The following AGPAT4 variants were observed in gnomAD, a reference collection of about 807,000 sequenced individuals.
The protein encoded by AGPAT4 is 1-acylglycerol-3-phosphate O-acyltransferase 4.
A neutral mutation model predicts 48.0 loss-of-function variants in AGPAT4; 15 were observed. The ratio of observed to expected loss-of-function variants is 0.31; its 90% CI spans 0.21 to 0.48. The LOEUF is 0.48. Among genes scored for constraint, AGPAT4 ranks in the 20% least tolerant of loss-of-function variants. The pLI, the probability that AGPAT4 is intolerant of heterozygous loss-of-function variation, is 0.99. For synonymous variants in AGPAT4, 178 were observed against 198.7 expected, an observed-to-expected ratio of 0.90 and a Z score of 0.88; for missense variants, 314 against 482.5, an observed-to-expected ratio of 0.65 and a Z score of 3.27.
chr6:161,200,322 A>G lies in AGPAT4; in HGVS notation c.178+31714T>C, dbSNP rs1437403893. Reference sequence around the variant, plus strand: ...TAAGTGTTAACTAATATTTCACATTAAGGCCTGTGTGCCAGGTACTATAGG... The same window carrying G: ...TAAGTGTTAACTAATATTTCACATTGAGGCCTGTGTGCCAGGTACTATAGG... On this transcript the variant is annotated intron_variant, in intron 2 of 8. Transcript: ENST00000320285. The surrounding 1 kb of genome is among the most constrained non-coding windows in gnomAD (Gnocchi z 5.5). Among the ~76,000 whole-genome samples, 1 of 152,262 alleles carries G rather than the reference A, an allele frequency of 6.6e-6. No homozygotes were observed. The highest frequency in any genetic ancestry group is 1.5e-5 in the Non-Finnish European group (1 of 68,046).
At chr6:161,183,447 C>T (rs1252704690) in intron 2 of AGPAT4, among the ~76,000 whole-genome samples, 1 of 151,530 alleles carries the variant, frequency 6.6e-6, no homozygotes, top group Non-Finnish European at 1.5e-5. Context: ...TAGTGAAAAC[C>T]TGTCTCTAAT....
chr6:161,140,691 C>T lies in AGPAT4; in HGVS notation c.844-1071G>A, dbSNP rs1167305310. On this transcript the variant is annotated intron_variant, in intron 7 of 8. Coordinates refer to ENST00000320285, the MANE Select transcript of AGPAT4 (RefSeq NM_020133.3). The surrounding 1 kb of genome is among the most constrained non-coding windows in gnomAD (Gnocchi z 6.5). ...CTGGGGGGAACAAGGAGCTGTGGCA[C>T]CAGGATGCCCGCTGGCCCGTCTAAG... Among the ~76,000 whole-genome samples the T allele has an allele frequency of 6.6e-6, 1 of 152,206 alleles. No individual in the cohort carries two copies. Among genetic ancestry groups the T allele is most frequent in the East Asian group, 1.9e-4 (1 of 5,186 alleles).
intron 1 of AGPAT4, among the ~76,000 whole-genome samples, chr6:161,250,253 T>C (rs912630425): frequency 3.9e-5 from 6 of 152,202 alleles, no homozygotes; most frequent in Admixed American, 6.5e-5. Flanking sequence ...GTAGCTTTAA[T>C]ACCTGGTGAC....
intron 2 of AGPAT4, among the ~76,000 whole-genome samples, chr6:161,207,320 G>A (rs959810120): frequency 1.3e-5 from 2 of 152,152 alleles, no homozygotes; most frequent in South Asian, 2.1e-4. Flanking sequence ...GTGAGTACCA[G>A]TGCCCTGCCT....
Position 161,218,462 on chromosome 6 carries a change from T to C in AGPAT4, c.178+13574A>G, listed in dbSNP as rs190738509. ...AATCACAGCAAGAATACCTTTACTTTACGTTTGTCTAGCACCTTACAATTT... is the reference window on the plus strand; with the variant it reads ...AATCACAGCAAGAATACCTTTACTTCACGTTTGTCTAGCACCTTACAATTT... On this transcript the variant is annotated intron_variant, in intron 2 of 8. Coordinates refer to ENST00000320285, the MANE Select transcript of AGPAT4 (RefSeq NM_020133.3). The surrounding 1 kb of genome is among the most constrained non-coding windows in gnomAD (Gnocchi z 4.7). Among the ~76,000 whole-genome samples the C allele has an allele frequency of 6.7e-4, 102 of 152,324 alleles. No individual in the cohort carries two copies. The highest frequency in any genetic ancestry group is 1.0e-3 in the Non-Finnish European group (70 of 68,040).
At position 161,231,312 on chromosome 6, in the gene AGPAT4, T is replaced by A. The variant is rs1782116217; in HGVS notation, c.178+724A>T. ...CACTCATCTTTTTAATTGTTGAAAC[T>A]CAGGCCAGTCAAATTAGTCATGTAT... On this transcript the variant is annotated intron_variant, in intron 2 of 8. Transcript: ENST00000320285. The surrounding 1 kb of genome is among the most constrained non-coding windows in gnomAD (Gnocchi z 5.3). Among the ~76,000 whole-genome samples the A allele has an allele frequency of 6.6e-6, 1 of 152,192 alleles. No homozygotes were observed. The highest frequency in any genetic ancestry group is 6.5e-5 in the Admixed American group (1 of 15,280).
At position 161,233,419 on chromosome 6, in the gene AGPAT4, T is replaced by G. The variant is rs776151584; in HGVS notation, c.-89-1117A>C. Among the ~76,000 whole-genome samples the G allele has an allele frequency of 2.5e-4, 38 of 152,202 alleles. No homozygotes were observed. The highest frequency in any genetic ancestry group is 2.1e-4 in the Non-Finnish European group (14 of 68,024). Reference sequence around the variant, plus strand: ...ACGTCTAATGTTACGACAAACTTTCTAACAATAATAGTTGAGAGGCCCTAA... The same window carrying G: ...ACGTCTAATGTTACGACAAACTTTCGAACAATAATAGTTGAGAGGCCCTAA... On this transcript the variant is annotated intron_variant, in intron 1 of 8. Transcript: ENST00000320285. This position sits in a 1 kb window ranked among gnomAD's most constrained non-coding sequence, Gnocchi z 5.4.
In AGPAT4 at chr6:161,200,059, C is replaced by A. The variant is rs896984660; in HGVS notation, c.178+31977G>T. 2.6e-5 allele frequency among the ~76,000 whole-genome samples: 4 copies of A among 152,128 alleles called. No homozygotes were observed. The highest frequency in any genetic ancestry group is 7.2e-5 in the African/African-American group (3 of 41,412). On this transcript the variant is annotated intron_variant, in intron 2 of 8. Coordinates refer to ENST00000320285, the MANE Select transcript of AGPAT4 (RefSeq NM_020133.3). The surrounding 1 kb of genome is among the most constrained non-coding windows in gnomAD (Gnocchi z 5.5). ...GGGAAGGAGAGAGGGAAAGGAAGGG[C>A]ACTGAGGAGGGCTTCTAAGGGCCTA...
intron 2 of AGPAT4, among the ~76,000 whole-genome samples, chr6:161,187,440 G>A (rs547634083): frequency 1.3e-5 from 2 of 152,200 alleles, no homozygotes; most frequent in South Asian, 4.2e-4. Flanking sequence ...GTGTAGCTAA[G>A]GAAAAATTCA....
At chr6:161,263,829 T>G (rs571593431) in intron 1 of AGPAT4, among the ~76,000 whole-genome samples, 4 of 152,258 alleles carry the variant, frequency 2.6e-5, no homozygotes, top group Admixed American at 1.3e-4. Flanking sequence ...GGGAAGTCTT[T>G]TCACCCTAAA....
chr6:161,182,599 G>A (rs182344383), intron 2 of AGPAT4, among the ~76,000 whole-genome samples: 358 of 152,348 alleles, frequency 2.3e-3, no homozygotes, highest in Non-Finnish European at 3.9e-3. Flanking sequence ...GGCAGGGAGT[G>A]AAGGAACCAG....
rs59288364 is a variant in AGPAT4, at chr6:161,144,064, G to A, written c.843+2460C>T. The A allele has an allele frequency of 7.9e-4, 397 of 500,834 alleles. No homozygotes were observed. In the East Asian group the frequency reaches 8.9e-3, roughly 11 times the overall value. The allele number at this position is 500,834 out of a possible 1,614,324, so 31.0% of individuals were successfully genotyped here. The stretch of plus-strand genomic sequence containing the variant: ...GGTCGGGCACCCAGATTTGGGGCAC[G>A]TAAAGCTTTAGATCTAGGCTCCTAG... On this transcript the variant is annotated intron_variant, in intron 7 of 8. Transcript: ENST00000320285. This position sits in a 1 kb window ranked among gnomAD's most constrained non-coding sequence, Gnocchi z 6.6.
rs1781314197 is a variant in AGPAT4 at position 161,204,042 on chromosome 6, T to C, written c.178+27994A>G. 6.6e-6 allele frequency among the ~76,000 whole-genome samples: 1 copy of C among 152,220 alleles called. No individual in the cohort carries two copies. Among genetic ancestry groups the C allele is most frequent in the Non-Finnish European group, 1.5e-5 (1 of 68,040 alleles). On this transcript the variant is annotated intron_variant, in intron 2 of 8. Transcript: ENST00000320285. This position sits in a 1 kb window ranked among gnomAD's most constrained non-coding sequence, Gnocchi z 4.4. ...TGAAGCCAAAGCCACTCATGATTAA[T>C]GTTGATTCTAGGTTGTTAAATGTTT... is the stretch of plus-strand genomic sequence containing the variant.
Position 161,214,944 on chromosome 6 carries a change from C to G in AGPAT4, c.178+17092G>C, listed in dbSNP as rs1423564543. ...TTGACCTCCAAACCTGTTCTGCTGG[C>G]CTGCCTTAGATAAGACTGAGACAAA... On this transcript the variant is annotated intron_variant, in intron 2 of 8. Coordinates refer to ENST00000320285, the MANE Select transcript of AGPAT4 (RefSeq NM_020133.3). This position sits in a 1 kb window ranked among gnomAD's most constrained non-coding sequence, Gnocchi z 5.4. Among the ~76,000 whole-genome samples the G allele has an allele frequency of 6.6e-6, 1 of 152,130 alleles. No homozygotes were observed. The highest frequency in any genetic ancestry group is 2.1e-4 in the South Asian group (1 of 4,824).
At chr6:161,187,326 T>C (rs912544628) in intron 2 of AGPAT4, among the ~76,000 whole-genome samples, 1 of 152,174 alleles carries the variant, frequency 6.6e-6, no homozygotes, top group African/African-American at 2.4e-5. Context: ...TCTTGTCTTG[T>C]TCATTTCGTT....
intron 2 of AGPAT4, among the ~76,000 whole-genome samples, chr6:161,207,768 C>T (rs948152104): frequency 1.3e-5 from 2 of 152,128 alleles, no homozygotes; most frequent in Non-Finnish European, 1.5e-5. Context: ...GGGCAAGGAA[C>T]ATGAATTCAC....
chr6:161,178,364 C>T lies in AGPAT4; in HGVS notation c.179-11947G>A, dbSNP rs1583305653. The stretch of plus-strand genomic sequence containing the variant: ...GCCCCTCCCCGAACCTCGCTGCCGC[C>T]TTGCAGTTCGATCAGACTTCTGTGC... On this transcript the variant is annotated intron_variant, in intron 2 of 8. Transcript: ENST00000320285. The surrounding 1 kb of genome is among the most constrained non-coding windows in gnomAD (Gnocchi z 5.1). Among the ~76,000 whole-genome samples the T allele has an allele frequency of 6.6e-6, 1 of 152,368 alleles. No individual in the cohort carries two copies. The highest frequency in any genetic ancestry group is 3.4e-3 in the Middle Eastern group (1 of 294).
intron 1 of AGPAT4, among the ~76,000 whole-genome samples, chr6:161,257,764 C>G (rs1014951101): frequency 6.6e-6 from 1 of 152,152 alleles, no homozygotes; most frequent in Non-Finnish European, 1.5e-5. Flanking sequence ...GGAAAGACAG[C>G]GTTAGTCCCA....
In AGPAT4 at chr6:161,198,435, C is replaced by A. The variant is rs1226242427; in HGVS notation, c.179-32018G>T. 6.6e-6 allele frequency among the ~76,000 whole-genome samples: 1 copy of A among 152,214 alleles called. No homozygotes were observed. Among genetic ancestry groups the A allele is most frequent in the Non-Finnish European group, 1.5e-5 (1 of 68,040 alleles). Reference sequence around the variant, plus strand: ...AGATGCTGTTAAGCATCCTACAATGCACAGAACAGCCCCATGACAAAGAAT... The same window carrying A: ...AGATGCTGTTAAGCATCCTACAATGAACAGAACAGCCCCATGACAAAGAAT... On this transcript the variant is annotated intron_variant, in intron 2 of 8. Transcript: ENST00000320285. This position sits in a 1 kb window ranked among gnomAD's most constrained non-coding sequence, Gnocchi z 4.3.
Sources: allele counts gnomAD v4.1 joint callset (sites outside exome capture counted in the v4.1 genomes callset), GRCh38; gene constraint gnomAD v4.1.1; non-coding constraint Gnocchi (gnomAD v3.1); transcripts MANE v1.5; gene names NCBI Gene and HGNC (gene_info 2026-07-23, HGNC 2026-07-21).